TRIM66: variants seen among roughly 807,000 people sequenced by gnomAD.
TRIM66 encodes the protein tripartite motif-containing protein 66.
TRIM66 carries 99 observed loss-of-function variants against 148.2 expected under a neutral mutation model. The ratio of observed to expected loss-of-function variants is 0.67; its 90% CI spans 0.57 to 0.79. TRIM66 has a LOEUF of 0.79. Ranked by LOEUF, TRIM66 falls within the 30% of genes least tolerant of loss-of-function variation. The pLI is 0.00. For synonymous variants in TRIM66, 616 were observed against 635.9 expected, an observed-to-expected ratio of 0.97 and a Z score of 0.47; for missense variants, 1,666 against 1,697.9, an observed-to-expected ratio of 0.98 and a Z score of 0.33.
rs549342643 is a variant in TRIM66 at position 8,673,022 on chromosome 11, C to T, written c.-111-637G>A. ...TGGCGCGATCTCTGCTCACTGCAAG[C>T]TCCACCTCCCAGGTTCACGCCATTC... On this transcript the variant is annotated intron_variant, in intron 4 of 24. Transcript: ENST00000646038. Among the ~76,000 whole-genome samples, 127 of 150,188 alleles carry T rather than the reference C, an allele frequency of 8.5e-4. 1 individual carries two copies. Among genetic ancestry groups the T allele is most frequent in the African/African-American group, 3.0e-3 (122 of 40,830 alleles).
intron 3 of TRIM66, among the ~76,000 whole-genome samples, chr11:8,676,100 T>C (rs2039165858): frequency 6.6e-6 from 1 of 152,218 alleles, no homozygotes; most frequent in South Asian, 2.1e-4. Context: ...CTCACTTTGA[T>C]ATGTAGTAGG....
At chr11:8,681,148 T>TG (rs1366357692) in intron 1 of TRIM66, among the ~76,000 whole-genome samples, 2 of 151,804 alleles carry the variant, frequency 1.3e-5, no homozygotes, top group Non-Finnish European at 2.9e-5. Flanking sequence ...TTTTTTTTTT[T>TG]TTTGAGACGG....
rs1565503168 is a variant in TRIM66, at chr11:8,635,420, T to A, written c.2310+3234A>T. Among the ~76,000 whole-genome samples, 3 of 152,320 alleles carry A rather than the reference T, an allele frequency of 2.0e-5. No homozygotes were observed. In the South Asian group the frequency reaches 6.2e-4, roughly 32 times the overall value. On this transcript the variant is annotated intron_variant, in intron 15 of 24. Transcript: ENST00000646038. ...AGGCTCAGAATGTTGTTTGCTATCC[T>A]TGAGCTTCACACCCTCCACCCTGCC...
At chr11:8,677,197 G>A (rs1001899013) in intron 3 of TRIM66, among the ~76,000 whole-genome samples, 15 of 152,060 alleles carry the variant, frequency 9.9e-5, no homozygotes, top group Non-Finnish European at 1.9e-4. Flanking sequence ...AAATGTGAGC[G>A]AGAAATAGTA....
At chr11:8,660,121 G>C (rs2133373305) in intron 6 of TRIM66, among the ~76,000 whole-genome samples, 1 of 152,238 alleles carries the variant, frequency 6.6e-6, no homozygotes, top group East Asian at 1.9e-4. Context: ...CTCAGGATAT[G>C]TGACCATATT....
chr11:8,651,711 T>C (rs999644527), intron 7 of TRIM66, 89 bp downstream of exon 7: 6 of 1,012,008 alleles, frequency 5.9e-6, no homozygotes, highest in African/African-American at 3.2e-5. Flanking sequence ...AATCAGATGA[T>C]AGAGTGATGG....
chr11:8,672,712 C>T (rs764783966), intron 4 of TRIM66, among the ~76,000 whole-genome samples: 3 of 151,474 alleles, frequency 2.0e-5, no homozygotes, highest in Admixed American at 6.6e-5. Flanking sequence ...CCTTGACCTC[C>T]CTAGGCTCAG....
chr11:8,642,874 GC>G, intron 13 of TRIM66, 134 bp downstream of exon 13: 1 of 260,412 alleles, frequency 3.8e-6, no homozygotes. Flanking sequence ...AAAAAGGTTT[GC>G]TGAATGATTC....
chr11:8,668,634 G>A (rs2038746149), intron 6 of TRIM66, among the ~76,000 whole-genome samples: 1 of 151,446 alleles, frequency 6.6e-6, no homozygotes, highest in South Asian at 2.1e-4. Flanking sequence ...CGCCCAGGCT[G>A]GAGTGCAGTG....
At chr11:8,661,598 T>C (rs895432475) in intron 6 of TRIM66, among the ~76,000 whole-genome samples, 36 of 152,312 alleles carry the variant, frequency 2.4e-4, no homozygotes, top group African/African-American at 7.2e-4. Context: ...TAGTTTCTAC[T>C]GGCCCTCAAG....
chr11:8,676,233 T>C (rs1000259563), intron 3 of TRIM66, among the ~76,000 whole-genome samples: 1 of 151,904 alleles, frequency 6.6e-6, no homozygotes, highest in Non-Finnish European at 1.5e-5. Context: ...AAGGTAAACT[T>C]CTTTTTTTTT....
In TRIM66 at chr11:8,624,973, A is replaced by G. The variant is rs777724429; in HGVS notation, c.2566T>C (p.Phe856Leu). 250 of 1,551,582 alleles carry G rather than the reference A, an allele frequency of 1.6e-4. 1 individual carries two copies. The highest frequency in any genetic ancestry group is 9.5e-4 in the South Asian group (80 of 84,062). The change falls in exon 16 of 25, where the codon TTC becomes CTC. Residue 856 changes from phenylalanine (F) to leucine (L), a missense_variant. This residue lies in a region of TRIM66 where 1,431 missense variants were observed against 1,412.4 expected (regional missense o/e 1.01). Transcript: ENST00000646038. ...CTTATCAGGTTGGGCATGGACTGGA[A>G]TGTGCTATGCACAAGGCTGGGCACA... is the stretch of plus-strand genomic sequence containing the variant. ...QTVPSLVHST[F>L]QSMPNLISDS...
intron 6 of TRIM66, among the ~76,000 whole-genome samples, chr11:8,659,209 C>A (rs2038075633): frequency 6.6e-6 from 1 of 151,976 alleles, no homozygotes; most frequent in Non-Finnish European, 1.5e-5. Context: ...CCTGAAGGGA[C>A]CTGAATGCTA....
At chr11:8,661,094 A>G (rs1403750466) in intron 6 of TRIM66, among the ~76,000 whole-genome samples, 1 of 152,238 alleles carries the variant, frequency 6.6e-6, no homozygotes, top group African/African-American at 2.4e-5. Flanking sequence ...AGGATTTGGA[A>G]GCATAATCAC....
intron 15 of TRIM66, among the ~76,000 whole-genome samples, chr11:8,635,584 T>C (rs1202692629): frequency 6.6e-6 from 1 of 152,202 alleles, no homozygotes; most frequent in East Asian, 1.9e-4. Flanking sequence ...TAAGCCAGGA[T>C]GACAAACTTG....
intron 12 of TRIM66, among the ~76,000 whole-genome samples, chr11:8,645,298 C>A (rs1210545619): frequency 6.6e-6 from 1 of 152,202 alleles, no homozygotes; most frequent in African/African-American, 2.4e-5. Flanking sequence ...TCTCAAAATT[C>A]TTGCTCCCTC....
intron 6 of TRIM66, among the ~76,000 whole-genome samples, chr11:8,657,693 A>T (rs1031736617): frequency 6.6e-6 from 1 of 151,706 alleles, no homozygotes; most frequent in Admixed American, 6.6e-5. Context: ...GGGCAGCCCC[A>T]GTCTACTGAG....
chr11:8,636,424 T>C (rs946006128), intron 15 of TRIM66, among the ~76,000 whole-genome samples: 2 of 152,216 alleles, frequency 1.3e-5, no homozygotes, highest in African/African-American at 4.8e-5. Flanking sequence ...CATCTAGAGC[T>C]AGCTGCCTTC....
chr11:8,668,870 G>A (rs567018795), intron 6 of TRIM66, among the ~76,000 whole-genome samples: 77 of 152,300 alleles, frequency 5.1e-4, no homozygotes, highest in African/African-American at 1.8e-3. Flanking sequence ...ACAGGCATGA[G>A]CCACCGCGCC....
Sources: gnomAD v4.1 joint callset for allele counts (sites outside exome capture counted in the v4.1 genomes callset) on GRCh38, gnomAD v4.1.1 for gene constraint, gnomAD v4.1.1 regional missense constraint, MANE v1.5 for transcripts, NCBI Gene and HGNC (gene_info 2026-07-23, HGNC 2026-07-21) for gene names.